GAR1: variants seen among roughly 807,000 people sequenced by gnomAD.
GAR1 encodes the protein GAR1 ribonucleoprotein, also known as H/ACA ribonucleoprotein complex subunit 1.
A neutral mutation model predicts 29.3 loss-of-function variants in GAR1; 11 were observed. That is an observed-to-expected ratio of 0.38 (90% CI 0.24 to 0.62). The LOEUF (loss-of-function observed/expected upper bound fraction) is 0.62. Among genes scored for constraint, GAR1 ranks in the 20% least tolerant of loss-of-function variants. The pLI, the probability that GAR1 is intolerant of heterozygous loss-of-function variation, is 0.62. For missense variants in GAR1, 237 were observed against 268.4 expected, an observed-to-expected ratio of 0.88 and a Z score of 0.82; for synonymous variants, 87 against 93.3, an observed-to-expected ratio of 0.93 and a Z score of 0.39.
At chr4:109,821,971 A>G (rs1342014287) in intron 4 of GAR1, among the ~76,000 whole-genome samples, 1 of 151,820 alleles carries the variant, frequency 6.6e-6, no homozygotes, top group Admixed American at 6.6e-5. Flanking sequence ...AGGGAGGGAA[A>G]CATCACATAC....
At chr4:109,822,663 T>A in intron 5 of GAR1, 175 bp downstream of exon 5, 1 of 599,708 alleles carries the variant, frequency 1.7e-6, no homozygotes, top group Non-Finnish European at 2.6e-6. Context: ...AACAACTTAC[T>A]TAAAAAGAAG....
chr4:109,815,956 G>C (rs1279010523), intron 1 of GAR1, 152 bp downstream of exon 1: 1 of 632,650 alleles, frequency 1.6e-6, no homozygotes, highest in Non-Finnish European at 2.8e-6. Flanking sequence ...GTGGTGTGTG[G>C]TCGGTCGGCG....
chr4:109,818,616 G>C (rs1733419476), intron 3 of GAR1, among the ~76,000 whole-genome samples: 1 of 141,124 alleles, frequency 7.1e-6, no homozygotes, highest in Non-Finnish European at 1.5e-5. Flanking sequence ...CCAGGGTGGA[G>C]TGCAGTGGCA....
At chr4:109,818,192 T>G in intron 3 of GAR1, 102 bp downstream of exon 3, 1 of 752,824 alleles carries the variant, frequency 1.3e-6, no homozygotes, top group Non-Finnish European at 2.2e-6. Context: ...CTTCATTAAA[T>G]TAGACAGGAT....
intron 2 of GAR1, among the ~76,000 whole-genome samples, chr4:109,817,306 G>T (rs1733381455): frequency 6.6e-6 from 1 of 152,192 alleles, no homozygotes; most frequent in Non-Finnish European, 1.5e-5. Context: ...TTGAGCTTGG[G>T]TGATAGGAAT....
chr4:109,823,141 G>A (rs936299732), intron 5 of GAR1, among the ~76,000 whole-genome samples: 7 of 152,150 alleles, frequency 4.6e-5, no homozygotes, highest in Non-Finnish European at 8.8e-5. Context: ...GGACAGCTAG[G>A]TGATGAGCAG....
At chr4:109,817,792 G>T (rs1030174351) in intron 2 of GAR1, 144 bp from the exon 3 acceptor site, 1 of 612,218 alleles carries the variant, frequency 1.6e-6, no homozygotes, top group African/African-American at 1.9e-5. Flanking sequence ...ACCAGCCCAG[G>T]AAGTCCTAAG....
chr4:109,819,121 A>G (rs755200534), intron 4 of GAR1, 61 bp downstream of exon 4: 17 of 867,934 alleles, frequency 2.0e-5, no homozygotes, highest in Non-Finnish European at 3.4e-5. Context: ...CTATCTTAGG[A>G]AAGTCCTACT....
chr4:109,815,916 G>A (rs1733335595), intron 1 of GAR1, 112 bp downstream of exon 1: 1 of 566,850 alleles, frequency 1.8e-6, no homozygotes, highest in Non-Finnish European at 3.1e-6. Context: ...GTCTGTAGGG[G>A]GAGGAGATAC....
intron 2 of GAR1, among the ~76,000 whole-genome samples, chr4:109,817,474 A>G (rs1322558436): frequency 4.6e-5 from 7 of 152,086 alleles, no homozygotes; most frequent in African/African-American, 1.7e-4. Flanking sequence ...GCAAGAGAAA[A>G]AAAAAAAGAA....
At chr4:109,817,024 T>A (rs28678255) in intron 2 of GAR1, among the ~76,000 whole-genome samples, 9,767 of 152,234 alleles carry the variant, frequency 0.064, 1,008 homozygotes, top group African/African-American at 0.22. Flanking sequence ...TCACAGAAAG[T>A]GAAACTTACT....
intron 6 of GAR1, among the ~76,000 whole-genome samples, 158 bp downstream of exon 6, chr4:109,824,191 CT>C (rs3839183): frequency 0.22 from 32,954 of 151,054 alleles, 4,427 homozygotes; most frequent in East Asian, 0.43. Flanking sequence ...TTTTATATCA[CT>C]TTTTTTTTGC....
intron 5 of GAR1, among the ~76,000 whole-genome samples, chr4:109,823,121 T>G (rs924823201): frequency 6.6e-6 from 1 of 152,182 alleles, no homozygotes; most frequent in Admixed American, 6.5e-5. Context: ...TTGGGCACAT[T>G]CATCATTATG....
intron 3 of GAR1, 44 bp downstream of exon 3, chr4:109,818,134 T>C: frequency 6.9e-7 from 1 of 1,456,434 alleles, no homozygotes; most frequent in Non-Finnish European, 9.4e-7. Flanking sequence ...CAAAGGTTGC[T>C]ATTTGCATTT....
chr4:109,815,834 A>G (rs931860507), intron 1 of GAR1, 30 bp downstream of exon 1: 1 of 329,204 alleles, frequency 3.0e-6, no homozygotes, highest in Non-Finnish European at 5.6e-6. Flanking sequence ...GGAGGATTTG[A>G]AAATGCTGGA....
intron 2 of GAR1, 137 bp from the exon 3 acceptor site, chr4:109,817,799 T>G: frequency 3.1e-6 from 2 of 652,012 alleles, no homozygotes; most frequent in Non-Finnish European, 5.3e-6. Context: ...CAGGAAGTCC[T>G]AAGACTGTGG....
intron 5 of GAR1, 24 bp from the exon 6 acceptor site, chr4:109,823,938 CGTT>C: frequency 1.4e-6 from 2 of 1,425,218 alleles, no homozygotes; most frequent in Non-Finnish European, 2.0e-6. Context: ...AAATACTTTG[CGTT>C]ATTATTTAAT....
intron 4 of GAR1, among the ~76,000 whole-genome samples, chr4:109,821,037 G>A (rs1478067799): frequency 6.6e-6 from 1 of 152,094 alleles, no homozygotes; most frequent in African/African-American, 2.4e-5. Context: ...TTTAATTACA[G>A]ATACTAACTT....
At chr4:109,823,890 G>A in intron 5 of GAR1, 75 bp from the exon 6 acceptor site, 1 of 930,844 alleles carries the variant, frequency 1.1e-6, no homozygotes, top group Non-Finnish European at 1.7e-6. Flanking sequence ...AGGTTATACA[G>A]TTAATAACTT....
Sources: allele counts gnomAD v4.1 joint callset (sites outside exome capture counted in the v4.1 genomes callset), GRCh38; gene constraint gnomAD v4.1.1; transcripts MANE v1.5; gene names NCBI Gene and HGNC (gene_info 2026-07-23, HGNC 2026-07-21).